The following EPHA4 variants were observed in gnomAD, a reference collection of about 807,000 sequenced individuals.
EPHA4 encodes ephrin type-A receptor 4.
A neutral mutation model predicts 108.3 loss-of-function variants in EPHA4; 19 were observed. The observed-to-expected ratio is 0.18, with a 90% CI of 0.12 to 0.26. EPHA4 has a LOEUF of 0.26. Ranked by LOEUF, EPHA4 falls within the 10% of genes least tolerant of loss-of-function variation. The pLI is 1.00. For synonymous variants in EPHA4, 449 were observed against 455.5 expected, an observed-to-expected ratio of 0.99 and a Z score of 0.18; for missense variants, 917 against 1,254.0, an observed-to-expected ratio of 0.73 and a Z score of 4.06.
intron 4 of EPHA4, among the ~76,000 whole-genome samples, chr2:221,494,378 C>T (rs1405090267): frequency 3.3e-5 from 5 of 152,170 alleles, no homozygotes; most frequent in Non-Finnish European, 7.4e-5. Context: ...CCTAGGCGGG[C>T]GGATCGCTTG....
Position 221,434,303 on chromosome 2 carries a change from T to G in EPHA4, c.2347-12A>C, listed in dbSNP as rs1273973356. On this transcript the variant is annotated splice_polypyrimidine_tract_variant and intron_variant, in intron 13 of 17. Transcript: ENST00000281821. ...GGAATCTTGCCACCCTGTGAACATT[T>G]GAGCCATAAGTTATTCCTTAAGTAC... 3.7e-6 allele frequency: 6 copies of G among 1,613,294 alleles called. No individual in the cohort carries two copies. The African/African-American group carries it at 5.3e-5, about 14-fold the overall frequency.
chr2:221,542,466 T>A (rs561131374), intron 3 of EPHA4, among the ~76,000 whole-genome samples: 1 of 152,198 alleles, frequency 6.6e-6, no homozygotes. Context: ...TAGGCAACTC[T>A]ACAAGGATTT....
At chr2:221,426,302 T>C in intron 16 of EPHA4, 160 bp from the exon 17 acceptor site, 1 of 1,022,632 alleles carries the variant, frequency 9.8e-7, no homozygotes, top group Non-Finnish European at 1.4e-6. Flanking sequence ...AATGCAAGAA[T>C]GTAGATACTT....
intron 17 of EPHA4, among the ~76,000 whole-genome samples, chr2:221,420,784 A>G (rs1349556060): frequency 6.6e-6 from 1 of 152,224 alleles, no homozygotes; most frequent in East Asian, 1.9e-4. Flanking sequence ...GATAGGTACT[A>G]TTCTTATCTC....
chr2:221,437,964 C>T (rs1260689542), intron 11 of EPHA4, among the ~76,000 whole-genome samples: 1 of 152,032 alleles, frequency 6.6e-6, no homozygotes, highest in Non-Finnish European at 1.5e-5. Flanking sequence ...GACTTCTCTC[C>T]ACTGTCTTGC....
chr2:221,445,112 A>G (rs2106107957), intron 9 of EPHA4, among the ~76,000 whole-genome samples: 1 of 152,292 alleles, frequency 6.6e-6, no homozygotes, highest in African/African-American at 2.4e-5. Context: ...ACATGAGGCT[A>G]TCTAAATATA....
chr2:221,472,885 T>A (rs1691533387), intron 5 of EPHA4, among the ~76,000 whole-genome samples: 3 of 152,180 alleles, frequency 2.0e-5, no homozygotes, highest in African/African-American at 7.2e-5. Context: ...TACAGTTCGT[T>A]TAGATCAGGC....
chr2:221,437,235 T>G, intron 11 of EPHA4, 113 bp from the exon 12 acceptor site: 1 of 730,976 alleles, frequency 1.4e-6, no homozygotes, highest in South Asian at 1.8e-5. Flanking sequence ...GTGATCTAAT[T>G]TAATTAAAAC....
Position 221,572,300 on chromosome 2 carries a change from T to A in EPHA4, c.-52A>T, listed in dbSNP as rs952612385. On this transcript the variant is annotated 5_prime_UTR_variant, in exon 1 of 18. Transcript: ENST00000281821. ...GCCGCTTCTATCCCAGTGGAATAAATGCTTAAGTTAGGAGAGCAGCGGGCT... is the reference window on the plus strand; with the variant it reads ...GCCGCTTCTATCCCAGTGGAATAAAAGCTTAAGTTAGGAGAGCAGCGGGCT... 1 of 1,513,684 alleles carries A rather than the reference T, an allele frequency of 6.6e-7. No homozygotes were observed. The highest frequency in any genetic ancestry group is 9.2e-7 in the Non-Finnish European group (1 of 1,089,396). The allele number at this position is 1,513,684 out of a possible 1,614,324, so 93.8% of individuals were successfully genotyped here.
intron 3 of EPHA4, among the ~76,000 whole-genome samples, chr2:221,559,773 T>C (rs1694405060): frequency 6.6e-6 from 1 of 152,164 alleles, no homozygotes; most frequent in Non-Finnish European, 1.5e-5. Flanking sequence ...AGAATCATTA[T>C]ATTATCCTCT....
At chr2:221,483,535 T>TGTGA (rs574575643) in intron 4 of EPHA4, among the ~76,000 whole-genome samples, 75 of 150,300 alleles carry the variant, frequency 5.0e-4, no homozygotes, top group South Asian at 4.1e-3. Context: ...TGTGTGTGTG[T>TGTGA]GATGGAGTCT....
chr2:221,453,899 G>A lies in EPHA4; in HGVS notation c.1715+1648C>T, dbSNP rs192152337. Among the ~76,000 whole-genome samples the A allele has an allele frequency of 9.2e-5, 14 of 152,242 alleles. No individual in the cohort carries two copies. In the East Asian group the frequency reaches 1.5e-3, roughly 17 times the overall value. On this transcript the variant is annotated intron_variant, in intron 8 of 17. Transcript: ENST00000281821. Reference sequence around the variant, plus strand: ...GCATGATATTAAGAAATACATGGCCGGACATGGTGGCTCATGCCTGTAATC... The same window carrying A: ...GCATGATATTAAGAAATACATGGCCAGACATGGTGGCTCATGCCTGTAATC...
intron 3 of EPHA4, among the ~76,000 whole-genome samples, chr2:221,533,924 A>G (rs1413413598): frequency 1.3e-5 from 2 of 152,132 alleles, no homozygotes; most frequent in East Asian, 1.9e-4. Context: ...GCCCTACCAG[A>G]AGAGTTCTGG....
At position 221,426,607 on chromosome 2, in the gene EPHA4, G is replaced by A. The variant is rs776460887; in HGVS notation, c.2703C>T (p.Ala901=). 11 of 1,613,246 alleles carry A rather than the reference G, an allele frequency of 6.8e-6. 1 individual carries two copies. The East Asian group carries it at 2.5e-4, about 36-fold the overall frequency. ...TGTESSRPNT[A]LLDPSSPEFS... ...ATTCAGGGGAGCTTGGATCCAACAA[G>A]GCAGTGTTAGGTCTAGAAAGAGAAC... is the stretch of plus-strand genomic sequence containing the variant. Residue 901 remains alanine (A), a synonymous_variant, in exon 16 of 18, where the codon GCC becomes GCT. Transcript: ENST00000281821.
chr2:221,491,292 A>G (rs1692136217), intron 4 of EPHA4, among the ~76,000 whole-genome samples: 1 of 152,236 alleles, frequency 6.6e-6, no homozygotes, highest in Non-Finnish European at 1.5e-5. Flanking sequence ...AAAATTATCT[A>G]GCCTGTGCAT....
At chr2:221,426,184 G>A (rs1466930600) in intron 16 of EPHA4, 42 bp from the exon 17 acceptor site, 1 of 1,517,372 alleles carries the variant, frequency 6.6e-7, no homozygotes, top group Non-Finnish European at 9.2e-7. Context: ...GAAGTCACAG[G>A]GACTGACAAT....
chr2:221,525,966 C>G (rs1693311366), intron 3 of EPHA4, among the ~76,000 whole-genome samples: 1 of 152,098 alleles, frequency 6.6e-6, no homozygotes, highest in Non-Finnish European at 1.5e-5. Flanking sequence ...TAGCAAAGGT[C>G]CAACTGGTTA....
At chr2:221,432,646 A>ATT (rs35949341) in intron 14 of EPHA4, among the ~76,000 whole-genome samples, 217 of 142,100 alleles carry the variant, frequency 1.5e-3, no homozygotes, top group Non-Finnish European at 2.5e-3. Context: ...TGCACCGAAC[A>ATT]TTTTTTTTTT....
chr2:221,491,010 C>A (rs551737984), intron 4 of EPHA4, among the ~76,000 whole-genome samples: 4 of 152,184 alleles, frequency 2.6e-5, no homozygotes, highest in Non-Finnish European at 5.9e-5. Flanking sequence ...ATGCATCAAT[C>A]ACTTGCTGCT....
Sources: gnomAD v4.1 joint callset for allele counts (sites outside exome capture counted in the v4.1 genomes callset) on GRCh38, gnomAD v4.1.1 for gene constraint, MANE v1.5 for transcripts, NCBI Gene and HGNC (gene_info 2026-07-23, HGNC 2026-07-21) for gene names.